Variants in GTF2H5 observed in about 807,000 individuals in gnomAD.
GTF2H5 encodes TFB5 ortholog.
Under a neutral mutation model 7.1 loss-of-function variants are expected in GTF2H5, and 5 were observed. That is an observed-to-expected ratio of 0.71 (90% CI 0.37 to 1.49). GTF2H5 has a LOEUF of 1.49. GTF2H5 is among the 40% of genes most tolerant of loss of function. GTF2H5 has a pLI of 0.03. For missense variants in GTF2H5, 80 were observed against 83.0 expected (o/e 0.96, Z 0.14); for synonymous variants, 30 against 31.7 (o/e 0.95, Z 0.18).
At chr6:158,168,858 G>A (rs932596065) in intron 1 of GTF2H5, among the ~76,000 whole-genome samples, 45 of 152,340 alleles carry the variant, frequency 3.0e-4, no homozygotes, top group African/African-American at 1.0e-3. Flanking sequence ...AGCACATTGG[G>A]AGGCCGAGGC....
intron 2 of GTF2H5, among the ~76,000 whole-genome samples, chr6:158,186,025 T>G (rs1391771895): frequency 6.6e-6 from 1 of 152,186 alleles, no homozygotes; most frequent in East Asian, 1.9e-4. Flanking sequence ...AAATTTTTTA[T>G]ATGACCAGTT....
chr6:158,177,439 C>G (rs1785948285), intron 2 of GTF2H5, among the ~76,000 whole-genome samples: 1 of 152,098 alleles, frequency 6.6e-6, no homozygotes, highest in South Asian at 2.1e-4. Context: ...AGTAAGAACT[C>G]TGCGGCTGAC....
At chr6:158,169,387 A>ATACATATATATAATATGTATATTATATAT in intron 1 of GTF2H5, among the ~76,000 whole-genome samples, 1 of 96,830 alleles carries the variant, frequency 1.0e-5, no homozygotes, top group South Asian at 2.7e-4. Flanking sequence ...ATTATATATT[A>ATACATATATATAATATGTATATTATATAT]TATATAATAT....
At position 158,179,225 on chromosome 6, in the gene GTF2H5, A is replaced by G. The variant is rs1047808773; in HGVS notation, c.35+8687A>G. ...TCTATATATCTGTTTTAGTACCAGT[A>G]TCATGCTGTTTTGGTTACTGTAGCC... On this transcript the variant is annotated intron_variant, in intron 2 of 2. Coordinates refer to ENST00000607778, the MANE Select transcript of GTF2H5 (RefSeq NM_207118.3). Among the ~76,000 whole-genome samples the G allele has an allele frequency of 4.3e-4, 65 of 152,316 alleles. No individual in the cohort carries two copies. In the Middle Eastern group the frequency reaches 0.01, roughly 24 times the overall value.
intron 1 of GTF2H5, among the ~76,000 whole-genome samples, chr6:158,169,664 A>G (rs1341284340): frequency 3.8e-5 from 3 of 79,084 alleles, no homozygotes; most frequent in Non-Finnish European, 4.2e-5. Context: ...CATATAATAT[A>G]TTGTATATTA....
chr6:158,175,026 G>GTGTGTGTGTGTGTGTGTGTGTATATA (rs1562471579), intron 2 of GTF2H5, among the ~76,000 whole-genome samples: 2 of 140,140 alleles, frequency 1.4e-5, no homozygotes, highest in Non-Finnish European at 3.1e-5. Flanking sequence ...GTGTGTGTGT[G>GTGTGTGTGTGTGTGTGTGTGTATATA]TGTGTGTGTG....
intron 2 of GTF2H5, among the ~76,000 whole-genome samples, chr6:158,181,108 T>G (rs1012563501): frequency 2.0e-5 from 3 of 152,196 alleles, no homozygotes; most frequent in African/African-American, 7.2e-5. Flanking sequence ...CATCTTTATT[T>G]CTGCGTTAAT....
intron 2 of GTF2H5, among the ~76,000 whole-genome samples, chr6:158,175,047 T>TGTGTGTGTGTGTGTGTATATAC (rs1554267673): frequency 2.2e-3 from 328 of 150,564 alleles, no homozygotes; most frequent in African/African-American, 7.6e-3. Flanking sequence ...TGTGTGTGTA[T>TGTGTGTGTGTGTGTGTATATAC]ACACACACAC....
rs1327698773 is a variant in GTF2H5 at position 158,198,432 on chromosome 6, AT to A, written c.*6279del. The A allele has an allele frequency of 2.0e-5, 3 of 151,996 alleles. No homozygotes were observed. Among genetic ancestry groups the A allele is most frequent in the African/African-American group, 4.8e-5 (2 of 41,370 alleles). The allele number at this position is 151,996 out of a possible 1,614,324, so 9.4% of individuals were successfully genotyped here. ...ATTTACTGAGTCCAGTTTGGACTTT[AT>A]TTTATTTTATTTTTTTTGAAACAAG... is the stretch of plus-strand genomic sequence containing the variant. On this transcript the variant is annotated 3_prime_UTR_variant, in exon 3 of 3. Transcript: ENST00000607778.
At chr6:158,181,473 T>A (rs149167183) in intron 2 of GTF2H5, among the ~76,000 whole-genome samples, 1 of 152,170 alleles carries the variant, frequency 6.6e-6, no homozygotes, top group South Asian at 2.1e-4. Context: ...TGGTGGGGTG[T>A]TAAAGTCTCC....
In GTF2H5 at chr6:158,186,796, G is replaced by A. The variant is rs191222022; in HGVS notation, c.36-5181G>A. 6.4e-4 allele frequency among the ~76,000 whole-genome samples: 98 copies of A among 152,328 alleles called. 1 individual carries two copies. Among genetic ancestry groups the A allele is most frequent in the East Asian group, 1.3e-3 (7 of 5,192 alleles). On this transcript the variant is annotated intron_variant, in intron 2 of 2. Transcript: ENST00000607778. ...AGGGGAATGGGGGGCGGGCTTCCCG[G>A]TCATAGGTAGATTCAAAGATTTTCT...
chr6:158,186,118 A>G (rs1265494608), intron 2 of GTF2H5, among the ~76,000 whole-genome samples: 4 of 152,258 alleles, frequency 2.6e-5, no homozygotes, highest in Admixed American at 2.6e-4. Context: ...TTTAAAGGCA[A>G]TTTAAAGAAA....
Position 158,185,668 on chromosome 6 carries a change from A to G in GTF2H5, c.36-6309A>G, listed in dbSNP as rs147040462. 2.3e-3 allele frequency among the ~76,000 whole-genome samples: 346 copies of G among 152,234 alleles called. 1 individual carries two copies. The highest frequency in any genetic ancestry group is 7.8e-3 in the African/African-American group (324 of 41,520). On this transcript the variant is annotated intron_variant, in intron 2 of 2. Coordinates refer to ENST00000607778, the MANE Select transcript of GTF2H5 (RefSeq NM_207118.3). ...TATTTCCCCAAGTGTGCGGAATACCATTAGTGTTCAAGATGATTTGAAGAA... is the reference window on the plus strand; with the variant it reads ...TATTTCCCCAAGTGTGCGGAATACCGTTAGTGTTCAAGATGATTTGAAGAA...
chr6:158,192,475 C>G lies in GTF2H5; in HGVS notation c.*318C>G. 1 of 324,566 alleles carries G rather than the reference C, an allele frequency of 3.1e-6. No homozygotes were observed. The allele number at this position is 324,566 out of a possible 1,614,324, so 20.1% of individuals were successfully genotyped here. On this transcript the variant is annotated 3_prime_UTR_variant, in exon 3 of 3. Transcript: ENST00000607778. ...ACATAGGTATTTATTTTGCTCATCC[C>G]TGTGATCTGTGCATTTTTGCTGCGT...
intron 2 of GTF2H5, among the ~76,000 whole-genome samples, chr6:158,185,462 C>A (rs1326307354): frequency 6.6e-6 from 1 of 151,424 alleles, no homozygotes; most frequent in African/African-American, 2.4e-5. Flanking sequence ...ATTACCTCAT[C>A]CCTAGGAGGT....
chr6:158,169,678 A>T lies in GTF2H5; in HGVS notation c.-34-792A>T, dbSNP rs1421677573. 1.6e-3 allele frequency among the ~76,000 whole-genome samples: 78 copies of T among 48,880 alleles called. 8 individuals carry two copies. The highest frequency in any genetic ancestry group is 2.8e-3 in the Admixed American group (7 of 2,534). 32.1% of individuals were successfully genotyped at this position (48,880 alleles called of 152,430 possible). ...ACATATAATATATTGTATATTATAT[A>T]ATATATAATATATATTATATAATAT... On this transcript the variant is annotated intron_variant, in intron 1 of 2. Coordinates refer to ENST00000607778, the MANE Select transcript of GTF2H5 (RefSeq NM_207118.3).
At chr6:158,190,369 A>G (rs192850814) in intron 2 of GTF2H5, among the ~76,000 whole-genome samples, 10 of 152,274 alleles carry the variant, frequency 6.6e-5, no homozygotes, top group African/African-American at 1.9e-4. Context: ...TTATGTCAGT[A>G]TATATCTAGA....
At chr6:158,169,746 T>TATATAATATATTGTATATTATATATA (rs773957609) in intron 1 of GTF2H5, among the ~76,000 whole-genome samples, 7 of 34,664 alleles carry the variant, frequency 2.0e-4, no homozygotes, top group Non-Finnish European at 2.8e-4. Context: ...TATTATATAT[T>TATATAATATATTGTATATTATATATA]ATATAATATA....
chr6:158,185,606 A>T (rs779227986), intron 2 of GTF2H5, among the ~76,000 whole-genome samples: 1 of 151,852 alleles, frequency 6.6e-6, no homozygotes, highest in Non-Finnish European at 1.5e-5. Context: ...TTCACTGGCC[A>T]GTCATTCCTC....
Sources: gnomAD v4.1 joint callset for allele counts (sites outside exome capture counted in the v4.1 genomes callset) on GRCh38, gnomAD v4.1.1 for gene constraint, MANE v1.5 for transcripts, NCBI Gene and HGNC (gene_info 2026-07-23, HGNC 2026-07-21) for gene names.